Variants in NCKAP5 observed in about 807,000 individuals in gnomAD.
NCKAP5 encodes the protein nck-associated protein 5.
NCKAP5 carries 92 observed loss-of-function variants against 167.0 expected under a neutral mutation model. The observed-to-expected ratio is 0.55, with a 90% CI of 0.47 to 0.66. The LOEUF is 0.66. Ranked by LOEUF, NCKAP5 falls within the 30% of genes least tolerant of loss-of-function variation. The pLI is 0.00. For synonymous variants in NCKAP5, 891 were observed against 877.4 expected (o/e 1.02, Z -0.27); for missense variants, 2,378 against 2,315.0 (o/e 1.03, Z -0.56).
At chr2:133,156,926 C>T (rs1236284260) in intron 5 of NCKAP5, among the ~76,000 whole-genome samples, 4 of 152,152 alleles carry the variant, frequency 2.6e-5, no homozygotes, top group Non-Finnish European at 5.9e-5. Flanking sequence ...TTACCATTCC[C>T]TCATATGAAC....
At chr2:133,412,950 G>A (rs1688865265) in intron 3 of NCKAP5, among the ~76,000 whole-genome samples, 1 of 152,232 alleles carries the variant, frequency 6.6e-6, no homozygotes, top group African/African-American at 2.4e-5. Flanking sequence ...ACCTTCTGCA[G>A]GGAGGGAGGA....
Position 133,426,813 on chromosome 2 carries a change from A to T in NCKAP5, c.69+90645T>A, listed in dbSNP as rs113229653. 1.2e-3 allele frequency among the ~76,000 whole-genome samples: 186 copies of T among 152,346 alleles called. 1 individual carries two copies. Among genetic ancestry groups the T allele is most frequent in the African/African-American group, 4.4e-3 (183 of 41,576 alleles). On this transcript the variant is annotated intron_variant, in intron 3 of 19. Coordinates refer to ENST00000409261, the MANE Select transcript of NCKAP5 (RefSeq NM_207363.3). ...ATAGGAGAAACTAGATGAGAGGTAT[A>T]TGGGAACTCTGTACTATCTTTCCAT... is the stretch of plus-strand genomic sequence containing the variant.
At chr2:132,998,307 G>A (rs897765829) in intron 6 of NCKAP5, among the ~76,000 whole-genome samples, 1 of 151,996 alleles carries the variant, frequency 6.6e-6, no homozygotes, top group East Asian at 1.9e-4. Flanking sequence ...CATTTTTCTT[G>A]GCTTTATACT....
rs189797592 is a variant in NCKAP5 at position 132,924,581 on chromosome 2, G to A, written c.579+39139C>T. Among the ~76,000 whole-genome samples the A allele has an allele frequency of 3.3e-5, 5 of 152,164 alleles. No homozygotes were observed. The East Asian group carries it at 9.7e-4, about 29-fold the overall frequency. Reference sequence around the variant, plus strand: ...ATGACATATTCTCTTATCAACATAGGCCAATAAAATACAAACAGGCATAAT... The same window carrying A: ...ATGACATATTCTCTTATCAACATAGACCAATAAAATACAAACAGGCATAAT... On this transcript the variant is annotated intron_variant, in intron 8 of 19. Coordinates refer to ENST00000409261, the MANE Select transcript of NCKAP5 (RefSeq NM_207363.3).
intron 6 of NCKAP5, among the ~76,000 whole-genome samples, chr2:133,001,956 G>A (rs2077797072): frequency 6.6e-6 from 1 of 152,158 alleles, no homozygotes; most frequent in Admixed American, 6.5e-5. Context: ...GTCGTATTAG[G>A]TATTAAAAGT....
intron 11 of NCKAP5, among the ~76,000 whole-genome samples, chr2:132,849,130 C>T (rs115499339): frequency 3.1e-3 from 476 of 152,176 alleles, no homozygotes; most frequent in African/African-American, 9.0e-3. Flanking sequence ...AGACAGGCTT[C>T]GCAGGGTCCC....
rs151162436 is a variant in NCKAP5 at position 133,155,840 on chromosome 2, C to A, written c.208-25729G>T. Reference sequence around the variant, plus strand: ...TTCTCTGGCCTACAGAACTACCCTGCAGATTTTGGACTTACCAAGCCTCTG... The same window carrying A: ...TTCTCTGGCCTACAGAACTACCCTGAAGATTTTGGACTTACCAAGCCTCTG... On this transcript the variant is annotated intron_variant, in intron 5 of 19. Coordinates refer to ENST00000409261, the MANE Select transcript of NCKAP5 (RefSeq NM_207363.3). Among the ~76,000 whole-genome samples, 266 of 152,320 alleles carry A rather than the reference C, an allele frequency of 1.7e-3. 3 individuals are homozygous for A. The highest frequency in any genetic ancestry group is 6.8e-3 in the Middle Eastern group (2 of 294).
At chr2:133,115,581 A>C (rs2082044715) in intron 6 of NCKAP5, among the ~76,000 whole-genome samples, 1 of 151,852 alleles carries the variant, frequency 6.6e-6, no homozygotes, top group Admixed American at 6.6e-5. Flanking sequence ...AACAAGGTTT[A>C]TTAAGAGAAA....
chr2:132,698,761 G>C (rs890748615), intron 19 of NCKAP5, among the ~76,000 whole-genome samples: 1 of 152,100 alleles, frequency 6.6e-6, no homozygotes, highest in African/African-American at 2.4e-5. Context: ...TTGAACCCGG[G>C]AGGCAAGGGT....
intron 12 of NCKAP5, 107 bp downstream of exon 12, chr2:132,796,521 C>A: frequency 1.5e-6 from 1 of 646,022 alleles, no homozygotes. Context: ...TTTTATCTGC[C>A]TGACAATGCT....
At chr2:133,087,702 C>A (rs2081039539) in intron 6 of NCKAP5, among the ~76,000 whole-genome samples, 1 of 152,164 alleles carries the variant, frequency 6.6e-6, no homozygotes, top group South Asian at 2.1e-4. Context: ...TACCATACAA[C>A]TGGAACTAAT....
In NCKAP5 at chr2:133,424,789, G is replaced by C. The variant is rs80191991; in HGVS notation, c.69+92669C>G. Among the ~76,000 whole-genome samples, 609 of 152,216 alleles carry C rather than the reference G, an allele frequency of 4.0e-3. 7 individuals carry two copies. Among genetic ancestry groups the C allele is most frequent in the African/African-American group, 0.014 (581 of 41,540 alleles). On this transcript the variant is annotated intron_variant, in intron 3 of 19. Coordinates refer to ENST00000409261, the MANE Select transcript of NCKAP5 (RefSeq NM_207363.3). ...TCTGCATTTCTACAAAATCCCTAGT[G>C]GTTCTGAGGCACGTGACAGTTTGAG...
chr2:132,964,355 C>A (rs532480662), intron 7 of NCKAP5, among the ~76,000 whole-genome samples: 7 of 152,188 alleles, frequency 4.6e-5, no homozygotes, highest in Non-Finnish European at 1.0e-4. Context: ...AAAGCTCACA[C>A]CTATTAGTTC....
chr2:132,852,742 A>G (rs973071941), intron 11 of NCKAP5, among the ~76,000 whole-genome samples: 1 of 152,218 alleles, frequency 6.6e-6, no homozygotes, highest in Non-Finnish European at 1.5e-5. Flanking sequence ...CTGTTACCCT[A>G]GCAAACTCCT....
chr2:133,296,305 C>T (rs1048457628), intron 4 of NCKAP5, among the ~76,000 whole-genome samples: 2 of 152,198 alleles, frequency 1.3e-5, no homozygotes, highest in East Asian at 1.9e-4. Context: ...GATTTCATCC[C>T]GACACAACCA....
At chr2:133,158,517 T>C (rs892825622) in intron 5 of NCKAP5, among the ~76,000 whole-genome samples, 1 of 152,184 alleles carries the variant, frequency 6.6e-6, no homozygotes, top group African/African-American at 2.4e-5. Context: ...AGATTTTGTG[T>C]TGGACACATA....
rs1046083803 is a variant in NCKAP5, at chr2:132,994,326, C to T, written c.342-87G>A. The T allele has an allele frequency of 3.0e-5, 26 of 879,778 alleles. No homozygotes were observed. In the African/African-American group the frequency reaches 3.1e-4, roughly 10 times the overall value. The allele number at this position is 879,778 out of a possible 1,614,324, so 54.5% of individuals were successfully genotyped here. A position where few individuals can be genotyped will look rare whatever the true frequency, so the allele number is the denominator to read the frequency against. The stretch of plus-strand genomic sequence containing the variant: ...GAGTTGTAGAAATCACTCTTCTATG[C>T]GTATTTCCCAAGCTTCAACCTGGAA... On this transcript the variant is annotated intron_variant, in intron 6 of 19. Coordinates refer to ENST00000409261, the MANE Select transcript of NCKAP5 (RefSeq NM_207363.3).
chr2:133,531,547 T>C (rs756183418), intron 2 of NCKAP5, among the ~76,000 whole-genome samples: 3 of 152,220 alleles, frequency 2.0e-5, no homozygotes, highest in African/African-American at 4.8e-5. Context: ...AATTGCAACG[T>C]TTTTGGCTTT....
the NCKAP5 span, among the ~76,000 whole-genome samples, chr2:133,642,907 G>A: frequency 2.0e-5 from 3 of 152,214 alleles, no homozygotes; most frequent in Admixed American, 2.0e-4. Context: ...ATTTCTGGCA[G>A]AGGAAATAGA....
Sources: gnomAD v4.1 joint callset for allele counts (sites outside exome capture counted in the v4.1 genomes callset) on GRCh38, gnomAD v4.1.1 for gene constraint, MANE v1.5 for transcripts, NCBI Gene and HGNC (gene_info 2026-07-23, HGNC 2026-07-21) for gene names.